Variants in HS3ST4 observed in about 807,000 individuals in gnomAD.
The protein encoded by HS3ST4 is heparan sulfate glucosamine 3-O-sulfotransferase 4.
Under a neutral mutation model 29.2 loss-of-function variants are expected in HS3ST4, and 17 were observed. That is an observed-to-expected ratio of 0.58 (90% CI 0.40 to 0.87). HS3ST4 has a LOEUF of 0.87. Among genes scored for constraint, HS3ST4 ranks in the 40% least tolerant of loss-of-function variants. The pLI, the probability that HS3ST4 is intolerant of heterozygous loss-of-function variation, is 0.00. For missense variants in HS3ST4, 627 were observed against 634.5 expected (o/e 0.99, Z 0.13); for synonymous variants, 314 against 285.7 (o/e 1.10, Z -1.00).
At chr16:26,121,248 A>T (rs1249017184) in intron 1 of HS3ST4, among the ~76,000 whole-genome samples, 1 of 152,194 alleles carries the variant, frequency 6.6e-6, no homozygotes, top group East Asian at 1.9e-4. Flanking sequence ...TAGGTAAAAG[A>T]CAGAGCTTAG....
At chr16:26,025,469 A>G (rs954143522) in intron 1 of HS3ST4, among the ~76,000 whole-genome samples, 1 of 152,206 alleles carries the variant, frequency 6.6e-6, no homozygotes, top group Admixed American at 6.5e-5. Context: ...TACAGGCCAC[A>G]AAAGCCAGCA....
At chr16:26,022,651 G>T (rs1280846759) in intron 1 of HS3ST4, among the ~76,000 whole-genome samples, 10 of 150,652 alleles carry the variant, frequency 6.6e-5, no homozygotes, top group African/African-American at 2.4e-4. Flanking sequence ...CAATTCAAAG[G>T]TCCATTTTTT....
intron 1 of HS3ST4, among the ~76,000 whole-genome samples, chr16:25,716,841 G>A (rs2141587557): frequency 6.6e-6 from 1 of 152,276 alleles, no homozygotes; most frequent in South Asian, 2.1e-4. Context: ...ATCACCTGAA[G>A]TTGGGAGTTT....
intron 1 of HS3ST4, among the ~76,000 whole-genome samples, chr16:25,702,575 CTTGT>C (rs1225945379): frequency 6.6e-6 from 1 of 151,944 alleles, no homozygotes; most frequent in Non-Finnish European, 1.5e-5. Context: ...CTTTCCCATT[CTTGT>C]TTGTTTGTTT....
chr16:26,075,401 G>T (rs969302621), intron 1 of HS3ST4, among the ~76,000 whole-genome samples: 2 of 152,228 alleles, frequency 1.3e-5, no homozygotes, highest in South Asian at 2.1e-4. Context: ...GAGAACAGGG[G>T]CAATGCTGTA....
chr16:25,740,726 C>G (rs1045087340), intron 1 of HS3ST4, among the ~76,000 whole-genome samples: 3 of 152,162 alleles, frequency 2.0e-5, no homozygotes, highest in Admixed American at 2.0e-4. Flanking sequence ...TTATCACAAT[C>G]CCTGATACTC....
chr16:25,752,123 A>T (rs1966725724), intron 1 of HS3ST4, among the ~76,000 whole-genome samples: 1 of 152,132 alleles, frequency 6.6e-6, no homozygotes, highest in Admixed American at 6.6e-5. Flanking sequence ...TCCATTCATT[A>T]TTCAGTGAAT....
intron 1 of HS3ST4, among the ~76,000 whole-genome samples, chr16:25,827,678 G>A (rs954220719): frequency 3.9e-5 from 6 of 152,058 alleles, no homozygotes; most frequent in Non-Finnish European, 2.9e-5. Context: ...GCATATTCTC[G>A]TTTCTCCCTT....
At chr16:25,891,438 C>T (rs1567266060) in intron 1 of HS3ST4, among the ~76,000 whole-genome samples, 1 of 152,146 alleles carries the variant, frequency 6.6e-6, no homozygotes, top group Non-Finnish European at 1.5e-5. Context: ...TGATGGGAAG[C>T]AGGAACCCTT....
chr16:26,070,690 C>A (rs1898592503), intron 1 of HS3ST4, among the ~76,000 whole-genome samples: 1 of 152,212 alleles, frequency 6.6e-6, no homozygotes, highest in Admixed American at 6.5e-5. Flanking sequence ...TTGAAAACTT[C>A]CCTATTGAAA....
intron 1 of HS3ST4, among the ~76,000 whole-genome samples, chr16:25,839,616 A>G (rs559645214): frequency 1.3e-5 from 2 of 152,182 alleles, no homozygotes; most frequent in Non-Finnish European, 2.9e-5. Context: ...TTTTCCTGAC[A>G]ATAGGGCTTT....
rs148821728 is a variant in HS3ST4, at chr16:25,980,562, C to G, written c.735-155050C>G. Among the ~76,000 whole-genome samples, 15 of 152,174 alleles carry G rather than the reference C, an allele frequency of 9.9e-5. No homozygotes were observed. The East Asian group carries it at 2.9e-3, about 30-fold the overall frequency. ...ACCATCTCCTGTGGTTCCTGGAAAC[C>G]GAAATTTAGTAGAATGGACAGAACC... On this transcript the variant is annotated intron_variant, in intron 1 of 1. Transcript: ENST00000331351.
intron 1 of HS3ST4, among the ~76,000 whole-genome samples, chr16:26,040,174 T>G (rs533556180): frequency 9.9e-5 from 15 of 152,230 alleles, no homozygotes; most frequent in African/African-American, 3.1e-4. Flanking sequence ...TTTCTCTGAT[T>G]ATTACTGAAG....
chr16:25,747,019 A>AT (rs1376537039), intron 1 of HS3ST4, among the ~76,000 whole-genome samples: 1 of 151,938 alleles, frequency 6.6e-6, no homozygotes, highest in African/African-American at 2.4e-5. Context: ...AGCTTGATTT[A>AT]TTTTTTAATT....
chr16:26,023,566 ATT>A (rs1240686786), intron 1 of HS3ST4, among the ~76,000 whole-genome samples: 1 of 151,776 alleles, frequency 6.6e-6, no homozygotes, highest in Non-Finnish European at 1.5e-5. Context: ...GGCCTGGCTA[ATT>A]TTTTTATTTT....
chr16:25,795,639 G>A (rs956814534), intron 1 of HS3ST4, among the ~76,000 whole-genome samples: 32 of 152,136 alleles, frequency 2.1e-4, no homozygotes, highest in African/African-American at 7.5e-4. Flanking sequence ...TCAATTGGAT[G>A]TTGGAGATTA....
intron 1 of HS3ST4, among the ~76,000 whole-genome samples, chr16:26,023,569 T>A (rs576780727): frequency 4.9e-4 from 74 of 152,076 alleles, no homozygotes; most frequent in African/African-American, 1.7e-3. Context: ...CTGGCTAATT[T>A]TTTTATTTTA....
chr16:26,132,255 T>C lies in HS3ST4; in HGVS notation c.735-3357T>C, dbSNP rs1343664255. Among the ~76,000 whole-genome samples the C allele has an allele frequency of 5.9e-5, 9 of 152,252 alleles. No homozygotes were observed. The East Asian group carries it at 1.7e-3, about 29-fold the overall frequency. On this transcript the variant is annotated intron_variant, in intron 1 of 1. Transcript: ENST00000331351. ...GAATCAGTTTGAGGAAAGGGAGCTT[T>C]GTCCTTTATAGATTTCAAGCAACTA...
chr16:25,837,075 G>A (rs371849909), intron 1 of HS3ST4, among the ~76,000 whole-genome samples: 1 of 152,210 alleles, frequency 6.6e-6, no homozygotes, highest in African/African-American at 2.4e-5. Flanking sequence ...TTTCCAATCC[G>A]CAGTTCATGG....
Sources: gnomAD v4.1 joint callset for allele counts (sites outside exome capture counted in the v4.1 genomes callset) on GRCh38, gnomAD v4.1.1 for gene constraint, MANE v1.5 for transcripts, NCBI Gene and HGNC (gene_info 2026-07-23, HGNC 2026-07-21) for gene names.